Variants in DROSHA observed in about 807,000 individuals in gnomAD.
DROSHA encodes ribonuclease 3.
In DROSHA, 56 loss-of-function variants were observed where a neutral mutation model predicts 181.9. The observed-to-expected ratio is 0.31, with a 90% CI of 0.25 to 0.38. DROSHA has a LOEUF of 0.38. DROSHA is among the 10% of genes least tolerant of loss of function. The pLI is 1.00. For missense variants in DROSHA, 1,218 were observed against 1,743.5 expected, an observed-to-expected ratio of 0.70 and a Z score of 5.37; for synonymous variants, 524 against 591.2, an observed-to-expected ratio of 0.89 and a Z score of 1.65.
intron 23 of DROSHA, among the ~76,000 whole-genome samples, chr5:31,440,865 T>C (rs1276399638): frequency 6.6e-6 from 1 of 152,178 alleles, no homozygotes; most frequent in Non-Finnish European, 1.5e-5. Flanking sequence ...GGCCATCTTA[T>C]ATATATTTCT....
At chr5:31,418,502 C>A (rs1742249359) in intron 30 of DROSHA, among the ~76,000 whole-genome samples, 1 of 152,130 alleles carries the variant, frequency 6.6e-6, no homozygotes, top group Non-Finnish European at 1.5e-5. Flanking sequence ...CTCCTGGGCT[C>A]AAGCAATCCT....
chr5:31,471,313 T>C (rs1749693212), intron 17 of DROSHA, among the ~76,000 whole-genome samples: 1 of 152,164 alleles, frequency 6.6e-6, no homozygotes, highest in Non-Finnish European at 1.5e-5. Flanking sequence ...AATATTTTAA[T>C]TCTTCATTTC....
At chr5:31,438,598 C>A (rs1745172766) in intron 23 of DROSHA, among the ~76,000 whole-genome samples, 1 of 152,040 alleles carries the variant, frequency 6.6e-6, no homozygotes, top group South Asian at 2.1e-4. Context: ...GCAAGAGGTG[C>A]ATTTTGGACA....
intron 12 of DROSHA, among the ~76,000 whole-genome samples, chr5:31,493,989 G>A (rs1013941168): frequency 1.4e-4 from 20 of 143,524 alleles, no homozygotes; most frequent in African/African-American, 5.2e-4. Context: ...GTGTGTTTGA[G>A]ATGAAGTCTC....
Position 31,508,611 on chromosome 5 carries a change from A to G in DROSHA, c.1587+10T>C, listed in dbSNP as rs1580339459. The G allele has an allele frequency of 6.2e-7, 1 of 1,613,948 alleles. No individual in the cohort carries two copies. ...TGCAACCTTCACAGCAAGGGCATAA[A>G]AACACGCACCTGGCCTGGATCGTTG... is the stretch of plus-strand genomic sequence containing the variant. On this transcript the variant is annotated intron_variant, in intron 10 of 35. Transcript: ENST00000344624.
At chr5:31,481,047 A>G (rs80036082) in intron 16 of DROSHA, among the ~76,000 whole-genome samples, 15,500 of 109,178 alleles carry the variant, frequency 0.14, 1,009 homozygotes, top group East Asian at 0.24. Flanking sequence ...GATGACAACT[A>G]CGTAAAAAAA....
intron 3 of DROSHA, among the ~76,000 whole-genome samples, chr5:31,530,266 G>C (rs189627436): frequency 6.6e-6 from 1 of 151,996 alleles, no homozygotes; most frequent in Non-Finnish European, 1.5e-5. Context: ...AACTACAGGC[G>C]TGAGTCACTG....
intron 5 of DROSHA, among the ~76,000 whole-genome samples, chr5:31,525,503 CAAAAAAAA>C (rs397970711): frequency 3.9e-4 from 14 of 36,176 alleles, no homozygotes; most frequent in South Asian, 4.6e-3. Flanking sequence ...GATTCTGTCA[CAAAAAAAA>C]AAAAAAAAAA....
At position 31,402,774 on chromosome 5, in the gene DROSHA, G is replaced by T. The variant is rs375099498; in HGVS notation, c.3995-1212C>A. 7.2e-5 allele frequency among the ~76,000 whole-genome samples: 11 copies of T among 152,262 alleles called. No individual in the cohort carries two copies. The South Asian group carries it at 2.1e-3, about 29-fold the overall frequency. On this transcript the variant is annotated intron_variant, in intron 35 of 35. Coordinates refer to ENST00000344624, the MANE Select transcript of DROSHA (RefSeq NM_001382508.1). ...GAATCAGCAAAGACCTGGTATGTCTGGGGGTCAGAGATTGATTTTATTTAT... is the reference window on the plus strand; with the variant it reads ...GAATCAGCAAAGACCTGGTATGTCTTGGGGTCAGAGATTGATTTTATTTAT...
Position 31,526,057 on chromosome 5 carries a change from G to T in DROSHA, c.854+22C>A, listed in dbSNP as rs141823613. The stretch of plus-strand genomic sequence containing the variant: ...GCCTGGGCCTCTGCAGTTCATTAAA[G>T]AACTACACACAAGCGGTTTACCTGC... On this transcript the variant is annotated intron_variant, in intron 5 of 35. Transcript: ENST00000344624. 1.6e-4 allele frequency: 255 copies of T among 1,549,138 alleles called. 2 individuals are homozygous for T. The African/African-American group carries it at 3.0e-3, about 18-fold the overall frequency.
intron 35 of DROSHA, among the ~76,000 whole-genome samples, chr5:31,403,105 C>T (rs1011258185): frequency 2.0e-5 from 3 of 152,204 alleles, no homozygotes; most frequent in Non-Finnish European, 2.9e-5. Context: ...AAGAACATGA[C>T]ATCTGTATTT....
chr5:31,479,525 C>G (rs933045690), intron 16 of DROSHA, among the ~76,000 whole-genome samples: 6 of 152,066 alleles, frequency 3.9e-5, no homozygotes, highest in Admixed American at 3.9e-4. Context: ...AAGTGAGTAT[C>G]TTGACTTTAG....
chr5:31,504,432 C>A, intron 11 of DROSHA, 123 bp downstream of exon 11: 1 of 1,087,044 alleles, frequency 9.2e-7, no homozygotes, highest in Non-Finnish European at 1.3e-6. Context: ...CAGTAAGAGA[C>A]TATTAGGGAA....
chr5:31,416,713 G>A (rs1741994219), intron 30 of DROSHA, among the ~76,000 whole-genome samples: 1 of 152,194 alleles, frequency 6.6e-6, no homozygotes, highest in South Asian at 2.1e-4. Context: ...GAGGCCTGGA[G>A]AAATGCAAAT....
intron 19 of DROSHA, among the ~76,000 whole-genome samples, chr5:31,465,649 C>T (rs551302376): frequency 6.6e-6 from 1 of 152,202 alleles, no homozygotes; most frequent in Admixed American, 6.5e-5. Flanking sequence ...AGAGATGGGG[C>T]CTGGTGGGAG....
At chr5:31,410,400 C>T (rs1159922149) in intron 31 of DROSHA, among the ~76,000 whole-genome samples, 3 of 152,064 alleles carry the variant, frequency 2.0e-5, no homozygotes, top group Non-Finnish European at 4.4e-5. Flanking sequence ...CTTCTGTGCC[C>T]CTATATGAAG....
At chr5:31,431,366 CAAAAAAAAAAAA>C (rs58316191) in intron 26 of DROSHA, among the ~76,000 whole-genome samples, 198 bp downstream of exon 26, 1 of 57,648 alleles carries the variant, frequency 1.7e-5, no homozygotes, top group Non-Finnish European at 3.2e-5. Context: ...CAGTAGAATG[CAAAAAAAAAAAA>C]AAAAAAAAAA....
chr5:31,499,991 A>G (rs1240416047), intron 11 of DROSHA, among the ~76,000 whole-genome samples: 2 of 152,328 alleles, frequency 1.3e-5, no homozygotes, highest in African/African-American at 4.8e-5. Context: ...AAAATTAGCC[A>G]CAGTCAGGGC....
At chr5:31,432,723 G>A (rs1433847553) in intron 25 of DROSHA, among the ~76,000 whole-genome samples, 1 of 152,144 alleles carries the variant, frequency 6.6e-6, no homozygotes, top group African/African-American at 2.4e-5. Context: ...CCAGTTGTAG[G>A]TGTAGGGCTG....
Sources: gnomAD v4.1 joint callset for allele counts (sites outside exome capture counted in the v4.1 genomes callset) on GRCh38, gnomAD v4.1.1 for gene constraint, MANE v1.5 for transcripts, NCBI Gene and HGNC (gene_info 2026-07-23, HGNC 2026-07-21) for gene names.